Variants in PCDHGA7 observed in about 807,000 individuals in gnomAD.
PCDHGA7 encodes the protein protocadherin gamma subfamily A, 7.
PCDHGA7 carries 44 observed loss-of-function variants against 58.3 expected under a neutral mutation model. The ratio of observed to expected loss-of-function variants is 0.75; its 90% confidence interval spans 0.59 to 0.97. The LOEUF (loss-of-function observed/expected upper bound fraction) is 0.97. Among genes scored for constraint, PCDHGA7 ranks in the 50% least tolerant of loss-of-function variants. The pLI is 0.00. For missense variants in PCDHGA7, 1,266 were observed against 1,188.7 expected (o/e 1.06, Z -0.96); for synonymous variants, 516 against 504.2 (o/e 1.02, Z -0.31).
rs1264017483 is a variant in PCDHGA7 at position 141,477,989 on chromosome 5, A to G, written c.2425-16818A>G. The G allele has an allele frequency of 5.6e-6, 9 of 1,614,086 alleles. No individual in the cohort carries two copies. The highest frequency in any genetic ancestry group is 1.6e-4 in the Middle Eastern group (1 of 6,062). On this transcript the variant is annotated intron_variant, in intron 1 of 3. Coordinates refer to ENST00000518325, the MANE Select transcript of PCDHGA7 (RefSeq NM_018920.4). The surrounding 1 kb of genome is among the most constrained non-coding windows in gnomAD (Gnocchi z 4.9). ...GAGCCTTTTTGCCATAGGGCTGCACACTGGTCAAATCAGTACTGCCCGTCC... is the reference window on the plus strand; with the variant it reads ...GAGCCTTTTTGCCATAGGGCTGCACGCTGGTCAAATCAGTACTGCCCGTCC...
At position 141,416,146 on chromosome 5, in the gene PCDHGA7, G is replaced by T. The variant is rs114133295; in HGVS notation, c.2424+30823G>T. 4.2e-3 allele frequency: 636 copies of T among 153,236 alleles called. 7 individuals carry two copies. Among genetic ancestry groups the T allele is most frequent in the South Asian group, 0.03 (145 of 4,832 alleles). 9.5% of individuals were successfully genotyped at this position (153,236 alleles called of 1,614,324 possible). Reference sequence around the variant, plus strand: ...TATATTTTTCAATCTATACTTTGTGGTGATAGTTGCAGTTGAATATACTAA... The same window carrying T: ...TATATTTTTCAATCTATACTTTGTGTTGATAGTTGCAGTTGAATATACTAA... On this transcript the variant is annotated intron_variant, in intron 1 of 3. Transcript: ENST00000518325.
At chr5:141,416,434 A>G (rs2096024040) in intron 1 of PCDHGA7, 1 of 152,222 alleles carries the variant, frequency 6.6e-6, no homozygotes, top group African/African-American at 2.4e-5. Context: ...CTAAGGCTGA[A>G]AGTAAATATG....
Position 141,383,175 on chromosome 5 carries a change from G to A in PCDHGA7, c.276G>A (p.Arg92=). 6.2e-7 allele frequency: 1 copy of A among 1,614,114 alleles called. No homozygotes were observed. Among genetic ancestry groups the A allele is most frequent in the Non-Finnish European group, 8.5e-7 (1 of 1,179,974 alleles). ...GSLVTAGRID[R]EEICAQSARC... ...TGGTCACTGCGGGCAGGATAGACCG[G>A]GAAGAGATCTGCGCTCAGAGTGCGC... Residue 92 remains arginine (R), a synonymous_variant, in exon 1 of 4, where the codon CGG becomes CGA. Transcript: ENST00000518325.
At chr5:141,461,225 T>C (rs1157429654) in intron 1 of PCDHGA7, among the ~76,000 whole-genome samples, 3 of 152,162 alleles carry the variant, frequency 2.0e-5, no homozygotes, top group African/African-American at 7.2e-5. Flanking sequence ...CTGTTTTCCA[T>C]AGAGGTTGTA....
chr5:141,491,712 G>A lies in PCDHGA7; in HGVS notation c.2425-3095G>A, dbSNP rs932849130. On this transcript the variant is annotated intron_variant, in intron 1 of 3. Coordinates refer to ENST00000518325, the MANE Select transcript of PCDHGA7 (RefSeq NM_018920.4). The surrounding 1 kb of genome is among the most constrained non-coding windows in gnomAD (Gnocchi z 6.9). Reference sequence around the variant, plus strand: ...GGGAGCGGAGCCAGGTGAGGGGCTCGGCGCCGCCCCGGGCGACCCCTGGGG... The same window carrying A: ...GGGAGCGGAGCCAGGTGAGGGGCTCAGCGCCGCCCCGGGCGACCCCTGGGG... The A allele has an allele frequency of 1.2e-6, 2 of 1,609,290 alleles. No homozygotes were observed. Among genetic ancestry groups the A allele is most frequent in the East Asian group, 2.2e-5 (1 of 44,760 alleles).
chr5:141,411,743 G>A (rs2095510866), intron 1 of PCDHGA7: 2 of 152,860 alleles, frequency 1.3e-5, no homozygotes, highest in Non-Finnish European at 2.9e-5. Flanking sequence ...TTAGCAGGGT[G>A]TGGTGGCACA....
chr5:141,512,262 C>G lies in PCDHGA7; in HGVS notation c.*1089C>G, dbSNP rs925517361. On this transcript the variant is annotated 3_prime_UTR_variant, in exon 4 of 4. Transcript: ENST00000518325. ...GAGGGGCCTCTGTGGGTGCTGGGTA[C>G]TCCAGAGGTGCCACTGGTGGAAGGG... 1 of 152,712 alleles carries G rather than the reference C, an allele frequency of 6.5e-6. No homozygotes were observed. The highest frequency in any genetic ancestry group is 2.4e-5 in the African/African-American group (1 of 41,452). 9.5% of individuals were successfully genotyped at this position (152,712 alleles called of 1,614,324 possible).
At chr5:141,446,942 G>C (rs1252429052) in intron 1 of PCDHGA7, among the ~76,000 whole-genome samples, 1 of 152,058 alleles carries the variant, frequency 6.6e-6, no homozygotes, top group Non-Finnish European at 1.5e-5. Flanking sequence ...TTCACTGTAA[G>C]AAACATCCAG....
chr5:141,392,101 C>G (rs1234202076), intron 1 of PCDHGA7: 1 of 152,130 alleles, frequency 6.6e-6, no homozygotes, highest in Non-Finnish European at 1.5e-5. Context: ...AATTTAAAAG[C>G]AACAACTCTA....
At chr5:141,501,516 C>T (rs763346187) in intron 2 of PCDHGA7, among the ~76,000 whole-genome samples, 1 of 152,010 alleles carries the variant, frequency 6.6e-6, no homozygotes, top group African/African-American at 2.4e-5. Context: ...GGCCTCCAAG[C>T]TGAAGCCCAG....
rs367651596 is a variant in PCDHGA7, at chr5:141,393,468, A to G, written c.2424+8145A>G. 1.1e-5 allele frequency: 18 copies of G among 1,613,922 alleles called. No individual in the cohort carries two copies. The highest frequency in any genetic ancestry group is 8.0e-5 in the African/African-American group (6 of 74,958). ...GGTCCTCACGGCCTCGGATGGCGGC[A>G]AGCCGCCTCGCTCTAGCACAGTGCG... On this transcript the variant is annotated intron_variant, in intron 1 of 3. Coordinates refer to ENST00000518325, the MANE Select transcript of PCDHGA7 (RefSeq NM_018920.4).
intron 1 of PCDHGA7, among the ~76,000 whole-genome samples, chr5:141,455,650 C>T (rs1176718096): frequency 2.6e-5 from 4 of 151,994 alleles, no homozygotes; most frequent in African/African-American, 9.7e-5. Flanking sequence ...AGCCATGTGG[C>T]CAGGAACTTG....
chr5:141,419,776 C>A (rs965350189), intron 1 of PCDHGA7: 3 of 1,613,908 alleles, frequency 1.9e-6, no homozygotes, highest in African/African-American at 2.7e-5. Flanking sequence ...ACTCGGTCCG[C>A]CAGCGCCTGC....
Position 141,432,377 on chromosome 5 carries a change from C to T in PCDHGA7, c.2424+47054C>T. 3.7e-6 allele frequency: 6 copies of T among 1,614,240 alleles called. No homozygotes were observed. Among genetic ancestry groups the T allele is most frequent in the Non-Finnish European group, 5.1e-6 (6 of 1,180,046 alleles). On this transcript the variant is annotated intron_variant, in intron 1 of 3. Transcript: ENST00000518325. This position sits in a 1 kb window ranked among gnomAD's most constrained non-coding sequence, Gnocchi z 6.0. ...AGTGATGGCGCGGGACAACGGGCAC[C>T]CGCCCCTCAGCAGCAACGTGTCGTT...
intron 3 of PCDHGA7, among the ~76,000 whole-genome samples, chr5:141,509,109 G>A (rs893509101): frequency 5.3e-5 from 8 of 152,240 alleles, no homozygotes; most frequent in African/African-American, 1.9e-4. Flanking sequence ...AAACCTGAGC[G>A]CTGGTGCGTG....
intron 1 of PCDHGA7, chr5:141,419,715 T>C: frequency 6.2e-7 from 1 of 1,613,288 alleles, no homozygotes. Flanking sequence ...CTCTTCAGCC[T>C]GGGGCTGCGA....
At chr5:141,413,318 T>C in intron 1 of PCDHGA7, 1 of 1,613,968 alleles carries the variant, frequency 6.2e-7, no homozygotes, top group Non-Finnish European at 8.5e-7. Flanking sequence ...AAAGGCTCTT[T>C]CGTGGGCAAC....
At chr5:141,474,117 A>C (rs748431734) in intron 1 of PCDHGA7, among the ~76,000 whole-genome samples, 11 of 152,186 alleles carry the variant, frequency 7.2e-5, no homozygotes, top group Non-Finnish European at 1.2e-4. Context: ...ACAACAACGA[A>C]AATCTCAGAA....
chr5:141,478,292 C>T, intron 1 of PCDHGA7: 1 of 1,614,146 alleles, frequency 6.2e-7, no homozygotes, highest in Non-Finnish European at 8.5e-7. Flanking sequence ...GTCTAGAGAC[C>T]TATACCGAGC....
Sources: allele counts gnomAD v4.1 joint callset (sites outside exome capture counted in the v4.1 genomes callset), GRCh38; gene constraint gnomAD v4.1.1; non-coding constraint Gnocchi (gnomAD v3.1); transcripts MANE v1.5; gene names NCBI Gene and HGNC (gene_info 2026-07-23, HGNC 2026-07-21).